The following LARP4 variants were observed in gnomAD, a reference collection of about 807,000 sequenced individuals.
The protein encoded by LARP4 is La ribonucleoprotein 4, also known as la-related protein 4.
LARP4 carries 29 observed loss-of-function variants against 92.9 expected under a neutral mutation model. The ratio of observed to expected loss-of-function variants is 0.31; its 90% confidence interval spans 0.23 to 0.43. The LOEUF is 0.43. LARP4 is among the 20% of genes least tolerant of loss of function. The probability of loss-of-function intolerance (pLI) is 1.00; values close to 1 mark genes in which losing one functional copy is unlikely to be tolerated. For missense variants in LARP4, 732 were observed against 860.0 expected (o/e 0.85, Z 1.86); for synonymous variants, 279 against 284.1 (o/e 0.98, Z 0.18).
chr12:50,474,043 A>G lies in LARP4; in HGVS notation c.1712A>G (p.Gln571Arg), dbSNP rs751060354. 6 of 1,612,368 alleles carry G rather than the reference A, an allele frequency of 3.7e-6. No homozygotes were observed. The highest frequency in any genetic ancestry group is 2.2e-5 in the South Asian group (2 of 91,000). Residue 571 changes from glutamine (Q) to arginine (R), a missense_variant, in exon 15 of 16, where the codon CAG becomes CGG. By Grantham distance (43) the Gln-to-Arg change is conservative. Coordinates refer to ENST00000398473, the MANE Select transcript of LARP4 (RefSeq NM_052879.5). ...GATCTAATAGAAGATTCCTCTGTTC[A>G]GAAGGATGGTCTCAATCAGACAACT... The part of the protein sequence containing the change: ...EKDLIEDSSV[Q>R]KDGLNQTTIP...
intron 4 of LARP4, among the ~76,000 whole-genome samples, chr12:50,431,517 C>T (rs1327880332): frequency 6.6e-6 from 1 of 152,080 alleles, no homozygotes; most frequent in African/African-American, 2.4e-5. Flanking sequence ...ATAAGGAATC[C>T]TTTCAGGCAA....
At chr12:50,403,586 T>A (rs1005611538) in intron 1 of LARP4, among the ~76,000 whole-genome samples, 1 of 152,200 alleles carries the variant, frequency 6.6e-6, no homozygotes, top group African/African-American at 2.4e-5. Flanking sequence ...ATCCATAGAT[T>A]AATTGGACTA....
rs1441545213 is a variant in LARP4 at position 50,400,984 on chromosome 12, G to A, written c.-27G>A. 1 of 1,614,154 alleles carries A rather than the reference G, an allele frequency of 6.2e-7. No homozygotes were observed. Among genetic ancestry groups the A allele is most frequent in the Non-Finnish European group, 8.5e-7 (1 of 1,180,022 alleles). ...GAGCCAGTTGGAGTTGCGGCGGCGGGAACGATTGGGCTGAGCAGAGGACGA... is the reference window on the plus strand; with the variant it reads ...GAGCCAGTTGGAGTTGCGGCGGCGGAAACGATTGGGCTGAGCAGAGGACGA... On this transcript the variant is annotated 5_prime_UTR_variant, in exon 1 of 16. Transcript: ENST00000398473.
chr12:50,457,505 CCTAA>C (rs1194216993), intron 10 of LARP4, among the ~76,000 whole-genome samples: 26 of 152,202 alleles, frequency 1.7e-4, no homozygotes, highest in Middle Eastern at 3.4e-3. Flanking sequence ...CCGCATCTGG[CCTAA>C]CTATTTTTAA....
chr12:50,420,947 C>CTTTTTTTTTTTTTTTTTTTTTTTTTTTT (rs71083567), intron 1 of LARP4: 5 of 111,442 alleles, frequency 4.5e-5, no homozygotes, highest in African/African-American at 1.7e-4. Context: ...ATAACCTTTG[C>CTTTTTTTTTTTTTTTTTTTTTTTTTTTT]TTTTTTTTTT....
chr12:50,426,684 G>GGTGTGTGTGTGTGTGTGTGTGTGTGTGT (rs762987529), intron 1 of LARP4, among the ~76,000 whole-genome samples: 1 of 86,174 alleles, frequency 1.2e-5, no homozygotes, highest in Non-Finnish European at 2.1e-5. Flanking sequence ...TTATGTTTGG[G>GGTGTGTGTGTGTGTGTGTGTGTGTGTGT]GTGTGTGTGT....
intron 1 of LARP4, among the ~76,000 whole-genome samples, chr12:50,414,411 C>T (rs1009412109): frequency 6.6e-6 from 1 of 152,172 alleles, no homozygotes; most frequent in Non-Finnish European, 1.5e-5. Context: ...TCAAGCCATC[C>T]TCTCGTCTCA....
intron 1 of LARP4, among the ~76,000 whole-genome samples, chr12:50,409,401 G>C (rs1945432713): frequency 6.6e-6 from 1 of 152,134 alleles, no homozygotes; most frequent in Non-Finnish European, 1.5e-5. Flanking sequence ...TGGGCGTGGT[G>C]GCTCACACCT....
intron 10 of LARP4, among the ~76,000 whole-genome samples, chr12:50,457,536 C>A (rs1954542040): frequency 1.3e-5 from 2 of 152,018 alleles, no homozygotes; most frequent in Admixed American, 1.3e-4. Flanking sequence ...TTTTTATAGC[C>A]AGTGGGGTGG....
chr12:50,440,420 A>G lies in LARP4; in HGVS notation c.640-19A>G, dbSNP rs1951036373. The G allele has an allele frequency of 6.4e-7, 1 of 1,570,016 alleles. No individual in the cohort carries two copies. The highest frequency in any genetic ancestry group is 8.8e-7 in the Non-Finnish European group (1 of 1,141,620). The stretch of plus-strand genomic sequence containing the variant: ...TTGATGTATTTTTTAGAGTTAACTA[A>G]TTTTCTTTTTCTTTTTAGGAAGTGA... On this transcript the variant is annotated intron_variant, in intron 6 of 15. Transcript: ENST00000398473.
At chr12:50,426,685 GTGT>G (rs1389814820) in intron 1 of LARP4, among the ~76,000 whole-genome samples, 87 of 34,222 alleles carry the variant, frequency 2.5e-3, no homozygotes, top group South Asian at 0.021. Flanking sequence ...TATGTTTGGG[GTGT>G]GTGTGTGTGT....
At position 50,454,325 on chromosome 12, in the gene LARP4, C is replaced by A. The variant is rs1197694457; in HGVS notation, c.1029C>A (p.Pro343=). ...ACATTTTTTTCTAGGCTCCCTTTCC[C>A]AATGGTAGTTTTGTGAATGGCTTTA... ...PYFETPLAPF[P]NGSFVNGFNS... is the part of the protein sequence containing the mutation. The change falls in exon 10 of 16, where the codon CCC becomes CCA. Residue 343 remains proline, a synonymous_variant. Transcript: ENST00000398473. The A allele has an allele frequency of 1.9e-6, 3 of 1,611,796 alleles. No homozygotes were observed.
intron 10 of LARP4, among the ~76,000 whole-genome samples, chr12:50,457,493 C>T (rs1954532874): frequency 6.6e-6 from 1 of 152,134 alleles, no homozygotes; most frequent in African/African-American, 2.4e-5. Flanking sequence ...AGGTGTGAGC[C>T]ACCGCATCTG....
chr12:50,454,618 A>G, intron 10 of LARP4: 5 of 405,362 alleles, frequency 1.2e-5, no homozygotes, highest in Non-Finnish European at 2.2e-5. Context: ...TGCATGTAAC[A>G]GACTTGGGAT....
In LARP4 at chr12:50,439,296, C is replaced by G. The variant is rs145596719; in HGVS notation, c.640-1143C>G. ...ATTCTGAATACATAAAGAGTTCATACACATGAAAAACAGTAAATAAAACAA... is the reference window on the plus strand; with the variant it reads ...ATTCTGAATACATAAAGAGTTCATAGACATGAAAAACAGTAAATAAAACAA... On this transcript the variant is annotated intron_variant, in intron 6 of 15. Transcript: ENST00000398473. Among the ~76,000 whole-genome samples the G allele has an allele frequency of 4.9e-4, 74 of 152,264 alleles. No individual in the cohort carries two copies. The East Asian group carries it at 0.011, about 23-fold the overall frequency.
At chr12:50,439,636 A>G (rs180799865) in intron 6 of LARP4, among the ~76,000 whole-genome samples, 89 of 152,222 alleles carry the variant, frequency 5.8e-4, no homozygotes, top group African/African-American at 2.0e-3. Flanking sequence ...AGCTCAAGCA[A>G]TTCCCCTACT....
chr12:50,454,170 T>C, intron 9 of LARP4, 144 bp from the exon 10 acceptor site: 1 of 589,578 alleles, frequency 1.7e-6, no homozygotes, highest in Non-Finnish European at 3.0e-6. Flanking sequence ...TTGAAGTGAA[T>C]ATTGCAGAAA....
At chr12:50,470,239 C>G (rs970382347) in intron 13 of LARP4, among the ~76,000 whole-genome samples, 1 of 151,552 alleles carries the variant, frequency 6.6e-6, no homozygotes, top group East Asian at 1.9e-4. Flanking sequence ...AAAAGACTAT[C>G]TTTAATCAGA....
chr12:50,404,683 T>G (rs1944469641), intron 1 of LARP4, among the ~76,000 whole-genome samples: 1 of 15,466 alleles, frequency 6.5e-5, no homozygotes, highest in Non-Finnish European at 5.5e-4. Flanking sequence ...TTCAAGCAGT[T>G]TTTTTTTTTT....
Sources: gnomAD v4.1 joint callset for allele counts (sites outside exome capture counted in the v4.1 genomes callset) on GRCh38, gnomAD v4.1.1 for gene constraint, MANE v1.5 for transcripts, NCBI Gene and HGNC (gene_info 2026-07-23, HGNC 2026-07-21) for gene names.